SLC38A4: variants seen among roughly 807,000 people sequenced by gnomAD.
SLC38A4 encodes sodium-coupled neutral amino acid transporter 4.
Under a neutral mutation model 63.1 loss-of-function variants are expected in SLC38A4, and 20 were observed. The observed-to-expected ratio is 0.32, with a 90% confidence interval of 0.22 to 0.46. SLC38A4 has a LOEUF of 0.46. Among genes scored for constraint, SLC38A4 ranks in the 20% least tolerant of loss-of-function variants. The probability of loss-of-function intolerance (pLI) is 1.00; values close to 1 mark genes in which losing one functional copy is unlikely to be tolerated. For missense variants in SLC38A4, 526 were observed against 663.6 expected (o/e 0.79, Z 2.28); for synonymous variants, 230 against 225.5 (o/e 1.02, Z -0.18).
intron 16 of SLC38A4, among the ~76,000 whole-genome samples, chr12:46,768,043 A>AG (rs1192113218): frequency 5.3e-5 from 8 of 152,146 alleles, no homozygotes; most frequent in African/African-American, 1.7e-4. Flanking sequence ...GGACACTGCT[A>AG]TTTGCCTGAA....
chr12:46,791,874 G>A (rs984111456), intron 3 of SLC38A4, among the ~76,000 whole-genome samples: 4 of 152,076 alleles, frequency 2.6e-5, no homozygotes, highest in Non-Finnish European at 5.9e-5. Flanking sequence ...GTGTCAACAC[G>A]GAGAAAGGGG....
intron 5 of SLC38A4, among the ~76,000 whole-genome samples, chr12:46,787,090 A>G (rs1938777581): frequency 6.6e-6 from 1 of 152,240 alleles, no homozygotes; most frequent in Non-Finnish European, 1.5e-5. Flanking sequence ...CTACAGGTCA[A>G]CTACCAGATG....
intron 1 of SLC38A4, among the ~76,000 whole-genome samples, chr12:46,817,658 TCTC>T (rs1024723831): frequency 5.3e-5 from 8 of 151,832 alleles, no homozygotes; most frequent in Non-Finnish European, 8.8e-5. Flanking sequence ...GACAAAAGGA[TCTC>T]CTCTCACTGT....
intron 1 of SLC38A4, among the ~76,000 whole-genome samples, chr12:46,814,356 T>C (rs766177118): frequency 6.6e-6 from 1 of 151,898 alleles, no homozygotes; most frequent in Non-Finnish European, 1.5e-5. Context: ...TATGTGTTTG[T>C]TTAATATTAA....
At chr12:46,823,009 C>G (rs1275429879) in intron 1 of SLC38A4, among the ~76,000 whole-genome samples, 1 of 152,142 alleles carries the variant, frequency 6.6e-6, no homozygotes, top group Admixed American at 6.5e-5. Flanking sequence ...TTCTATTTTA[C>G]TTTTCTTTCA....
At chr12:46,816,467 C>CA (rs548407172) in intron 1 of SLC38A4, among the ~76,000 whole-genome samples, 2 of 151,946 alleles carry the variant, frequency 1.3e-5, no homozygotes, top group African/African-American at 4.8e-5. Context: ...AAGTGAACCT[C>CA]AAAAAACTTT....
intron 15 of SLC38A4, 118 bp from the exon 16 acceptor site, chr12:46,768,525 AAC>A (rs1361090127): frequency 3.6e-6 from 2 of 559,336 alleles, no homozygotes; most frequent in Non-Finnish European, 6.1e-6. Context: ...TAGCACTAAA[AAC>A]ACACACTTAA....
At chr12:46,806,139 G>A (rs1451682837) in intron 1 of SLC38A4, among the ~76,000 whole-genome samples, 1 of 151,606 alleles carries the variant, frequency 6.6e-6, no homozygotes, top group Admixed American at 6.6e-5. Flanking sequence ...AAATACCCTT[G>A]TAATTCTGAT....
Position 46,778,633 on chromosome 12 carries a change from C to G in SLC38A4, c.861G>C (p.Met287Ile). 6.2e-7 allele frequency: 1 copy of G among 1,612,958 alleles called. No individual in the cohort carries two copies. The highest frequency in any genetic ancestry group is 8.5e-7 in the Non-Finnish European group (1 of 1,179,390). ...CTGCAGGATTGCGGTGGGTGTAATCCATCATGAAGTTCACATCAGAACTCT... is the reference window on the plus strand; with the variant it reads ...CTGCAGGATTGCGGTGGGTGTAATCGATCATGAAGTTCACATCAGAACTCT... ...NSESSDVNFM[M>I]DYTHRNPAGL... The change falls in exon 11 of 17, where the codon ATG (methionine) becomes ATC (isoleucine). Residue 287 changes from methionine (M) to isoleucine (I), a missense_variant. Transcript: ENST00000266579.
chr12:46,778,449 A>G, intron 11 of SLC38A4, 52 bp downstream of exon 11: 1 of 1,610,814 alleles, frequency 6.2e-7, no homozygotes, highest in Non-Finnish European at 8.5e-7. Context: ...ATTGAATAAA[A>G]ACTTAGAAAA....
At position 46,793,064 on chromosome 12, in the gene SLC38A4, G is replaced by T. The variant is rs1938924176; in HGVS notation, c.8C>A (p.Pro3His). 3 of 1,611,964 alleles carry T rather than the reference G, an allele frequency of 1.9e-6. No individual in the cohort carries two copies. In the South Asian group the frequency reaches 3.3e-5, roughly 18 times the overall value. Residue 3 changes from proline (P) to histidine (H), a missense_variant, in exon 3 of 17, where the codon CCC becomes CAC. Transcript: ENST00000266579. ...GATGTTGACATTTCTCAGTTCCATG[G>T]GATCCATTTGAGCTGTCAGCGCTTT... MD[P>H]MELRNVNIEP... is the part of the protein sequence containing the mutation.
At chr12:46,777,356 G>A (rs180421) in intron 12 of SLC38A4, among the ~76,000 whole-genome samples, 99,018 of 151,764 alleles carry the variant, frequency 0.65, 34,419 homozygotes, top group Middle Eastern at 0.81. Flanking sequence ...GATGACTTTA[G>A]ATGAGGAAAA....
At chr12:46,804,876 C>A (rs544622228) in intron 1 of SLC38A4, among the ~76,000 whole-genome samples, 2 of 151,950 alleles carry the variant, frequency 1.3e-5, no homozygotes, top group African/African-American at 2.4e-5. Flanking sequence ...AGGGAAATCT[C>A]AAAAAAATTC....
intron 2 of SLC38A4, among the ~76,000 whole-genome samples, chr12:46,803,054 A>G (rs1458172507): frequency 6.6e-6 from 1 of 152,078 alleles, no homozygotes; most frequent in African/African-American, 2.4e-5. Flanking sequence ...AAGAAAAGGT[A>G]AGACACAACA....
At chr12:46,817,798 T>C (rs1274171358) in intron 1 of SLC38A4, among the ~76,000 whole-genome samples, 2 of 151,962 alleles carry the variant, frequency 1.3e-5, no homozygotes, top group Non-Finnish European at 2.9e-5. Context: ...TCCTAAAAGA[T>C]ACATTGAAGC....
At chr12:46,795,871 T>C (rs1174939213) in intron 2 of SLC38A4, among the ~76,000 whole-genome samples, 2 of 152,074 alleles carry the variant, frequency 1.3e-5, no homozygotes, top group African/African-American at 4.8e-5. Context: ...ACGACGTGAC[T>C]AGATGTGAGT....
At chr12:46,813,802 GATA>G (rs1939384479) in intron 1 of SLC38A4, among the ~76,000 whole-genome samples, 1 of 152,120 alleles carries the variant, frequency 6.6e-6, no homozygotes, top group Non-Finnish European at 1.5e-5. Context: ...ACAAGAAGGA[GATA>G]ATAATAGTGC....
At chr12:46,821,468 A>G (rs1939549213) in intron 1 of SLC38A4, among the ~76,000 whole-genome samples, 1 of 152,050 alleles carries the variant, frequency 6.6e-6, no homozygotes, top group Non-Finnish European at 1.5e-5. Flanking sequence ...TCAGTTGGCC[A>G]TATATGTGTG....
chr12:46,807,032 C>A (rs1939247524), intron 1 of SLC38A4, among the ~76,000 whole-genome samples: 1 of 151,808 alleles, frequency 6.6e-6, no homozygotes, highest in Non-Finnish European at 1.5e-5. Flanking sequence ...TGGTATTTTG[C>A]AACGACAGTG....
Sources: gnomAD v4.1 joint callset for allele counts (sites outside exome capture counted in the v4.1 genomes callset) on GRCh38, gnomAD v4.1.1 for gene constraint, MANE v1.5 for transcripts, NCBI Gene and HGNC (gene_info 2026-07-23, HGNC 2026-07-21) for gene names.